CNTN4: variants seen among roughly 807,000 people sequenced by gnomAD.
CNTN4 encodes the protein contactin-4.
In CNTN4, 77 loss-of-function variants were observed where a neutral mutation model predicts 122.5. The observed-to-expected ratio is 0.63, with a 90% CI of 0.52 to 0.76. The LOEUF (loss-of-function observed/expected upper bound fraction) is 0.76, where lower values mean the gene tolerates loss of function less well. CNTN4 is among the 30% of genes least tolerant of loss of function. The probability of loss-of-function intolerance (pLI) is 0.00; values close to 1 mark genes in which losing one functional copy is unlikely to be tolerated. For synonymous variants in CNTN4, 512 were observed against 447.0 expected, an observed-to-expected ratio of 1.15 and a Z score of -1.83; for missense variants, 1,256 against 1,259.1, an observed-to-expected ratio of 1.00 and a Z score of 0.04.
At chr3:2,604,748 A>C (rs1006999692) in intron 4 of CNTN4, among the ~76,000 whole-genome samples, 12 of 152,184 alleles carry the variant, frequency 7.9e-5, no homozygotes, top group African/African-American at 2.9e-4. Context: ...GTCTAGAGAT[A>C]AGAATACACC....
At chr3:2,591,421 G>C (rs1227968791) in intron 4 of CNTN4, among the ~76,000 whole-genome samples, 1 of 46,884 alleles carries the variant, frequency 2.1e-5, no homozygotes, top group African/African-American at 7.7e-5. Flanking sequence ...CTGGAGTGCA[G>C]TGGCGGGATC....
chr3:2,206,607 G>A (rs961725191), intron 2 of CNTN4, among the ~76,000 whole-genome samples: 2 of 151,218 alleles, frequency 1.3e-5, no homozygotes, highest in Non-Finnish European at 2.9e-5. Flanking sequence ...AGTCGGTTTT[G>A]TTTTAAATAT....
At chr3:2,560,761 A>G (rs2078917390) in intron 3 of CNTN4, among the ~76,000 whole-genome samples, 1 of 152,220 alleles carries the variant, frequency 6.6e-6, no homozygotes, top group Non-Finnish European at 1.5e-5. Context: ...TTCCCCCAGT[A>G]GAGTAAAATA....
intron 2 of CNTN4, among the ~76,000 whole-genome samples, chr3:2,194,767 C>T (rs894196606): frequency 1.3e-5 from 2 of 152,086 alleles, no homozygotes; most frequent in Non-Finnish European, 2.9e-5. Context: ...TATGGAGCTG[C>T]AAGCCAAGGA....
chr3:2,801,574 C>G (rs1311026465), intron 6 of CNTN4, among the ~76,000 whole-genome samples: 3 of 152,092 alleles, frequency 2.0e-5, no homozygotes, highest in Admixed American at 2.0e-4. Context: ...AAAAATAAAG[C>G]ATTATTAAAA....
chr3:2,103,579 A>G (rs1392506432), intron 2 of CNTN4, among the ~76,000 whole-genome samples: 1 of 152,188 alleles, frequency 6.6e-6, no homozygotes, highest in Non-Finnish European at 1.5e-5. Context: ...AGCAGAAACA[A>G]ATATCTTCCC....
rs145995267 is a variant in CNTN4, at chr3:2,957,037, G to A, written c.1358+31258G>A. 1.7e-3 allele frequency among the ~76,000 whole-genome samples: 262 copies of A among 152,202 alleles called. 1 individual carries two copies. The highest frequency in any genetic ancestry group is 6.2e-3 in the African/African-American group (256 of 41,538). Reference sequence around the variant, plus strand: ...ACTAGTTTCTTTATCCATTAATCCCGTGATGGACACTTGGGTTGTTTCTAT... The same window carrying A: ...ACTAGTTTCTTTATCCATTAATCCCATGATGGACACTTGGGTTGTTTCTAT... On this transcript the variant is annotated intron_variant, in intron 13 of 24. Coordinates refer to ENST00000418658, the MANE Select transcript of CNTN4 (RefSeq NM_175607.3).
chr3:2,565,231 C>T (rs1197235765), intron 3 of CNTN4, among the ~76,000 whole-genome samples: 2 of 152,126 alleles, frequency 1.3e-5, no homozygotes, highest in Non-Finnish European at 2.9e-5. Context: ...ATGTCTTCCC[C>T]TCTTTTGCAC....
intron 2 of CNTN4, among the ~76,000 whole-genome samples, chr3:2,231,142 A>G (rs1447592494): frequency 6.6e-6 from 1 of 152,206 alleles, no homozygotes; most frequent in Non-Finnish European, 1.5e-5. Flanking sequence ...ATTATCATTC[A>G]ACTGTACCAA....
At chr3:2,891,972 A>G (rs2151054621) in intron 10 of CNTN4, among the ~76,000 whole-genome samples, 1 of 152,344 alleles carries the variant, frequency 6.6e-6, no homozygotes, top group African/African-American at 2.4e-5. Flanking sequence ...TAAGAGAGGA[A>G]GAGAAATGGA....
intron 7 of CNTN4, among the ~76,000 whole-genome samples, chr3:2,865,382 A>G (rs763793650): frequency 1.3e-5 from 2 of 152,220 alleles, no homozygotes; most frequent in Non-Finnish European, 2.9e-5. Context: ...GAAGGATTAC[A>G]GTACAAAAAA....
intron 2 of CNTN4, among the ~76,000 whole-genome samples, chr3:2,120,387 ATATATATATATATATAT>A (rs2033667799): frequency 1.5e-4 from 13 of 89,412 alleles, no homozygotes; most frequent in Non-Finnish European, 1.2e-4. Flanking sequence ...ATATATATAT[ATATATATATATATATAT>A]ATTTTTTTTT....
At chr3:2,134,619 G>T (rs776360614) in intron 2 of CNTN4, among the ~76,000 whole-genome samples, 1 of 152,278 alleles carries the variant, frequency 6.6e-6, no homozygotes, top group South Asian at 2.1e-4. Context: ...GTCTCCAGGG[G>T]CTATTTGACA....
At chr3:2,702,140 C>A (rs1383287818) in intron 4 of CNTN4, among the ~76,000 whole-genome samples, 1 of 152,170 alleles carries the variant, frequency 6.6e-6, no homozygotes, top group East Asian at 1.9e-4. Context: ...TCAGAGAGAA[C>A]AATGTCTGAT....
Position 2,141,694 on chromosome 3 carries a change from T to C in CNTN4, c.-145+41055T>C, listed in dbSNP as rs143730363. Among the ~76,000 whole-genome samples the C allele has an allele frequency of 2.3e-3, 357 of 152,258 alleles. 1 individual carries two copies. The highest frequency in any genetic ancestry group is 8.3e-3 in the African/African-American group (345 of 41,558). ...CTTTAACTCATATTCTAAAATCATA[T>C]AGCTCCCTGAGTGTCAAACTGATAA... On this transcript the variant is annotated intron_variant, in intron 2 of 24. Transcript: ENST00000418658.
chr3:2,249,002 G>A lies in CNTN4; in HGVS notation c.-144-90176G>A, dbSNP rs867445863. Among the ~76,000 whole-genome samples the A allele has an allele frequency of 5.9e-5, 9 of 151,972 alleles. No individual in the cohort carries two copies. The South Asian group carries it at 1.9e-3, about 31-fold the overall frequency. ...AGACTGAGAGTAGTAGCTGCTAAAA[G>A]CAAAGTCATCTTATCTGTTGTCTGA... On this transcript the variant is annotated intron_variant, in intron 2 of 24. Transcript: ENST00000418658.
chr3:2,974,706 A>C (rs936015619), intron 13 of CNTN4, among the ~76,000 whole-genome samples: 1 of 152,198 alleles, frequency 6.6e-6, no homozygotes, highest in African/African-American at 2.4e-5. Flanking sequence ...CAGCTGTTTT[A>C]GGGACAGGGA....
intron 3 of CNTN4, among the ~76,000 whole-genome samples, chr3:2,469,811 C>G (rs1204043496): frequency 1.3e-5 from 2 of 152,194 alleles, no homozygotes; most frequent in Non-Finnish European, 2.9e-5. Context: ...TTATTAGAAT[C>G]TACTCCCTAA....
At chr3:2,796,860 G>C (rs2092200637) in intron 6 of CNTN4, among the ~76,000 whole-genome samples, 1 of 152,152 alleles carries the variant, frequency 6.6e-6, no homozygotes, top group Non-Finnish European at 1.5e-5. Flanking sequence ...CATTCCTTAA[G>C]AGTTAACTTT....
Sources: allele counts gnomAD v4.1 joint callset (sites outside exome capture counted in the v4.1 genomes callset), GRCh38; gene constraint gnomAD v4.1.1; transcripts MANE v1.5; gene names NCBI Gene and HGNC (gene_info 2026-07-23, HGNC 2026-07-21).